The following ANKRD55 variants were observed in gnomAD, a reference collection of about 807,000 sequenced individuals.
The protein encoded by ANKRD55 is ankyrin repeat domain-containing protein 55.
ANKRD55 carries 41 observed loss-of-function variants against 60.6 expected under a neutral mutation model. The ratio of observed to expected loss-of-function variants is 0.68; its 90% confidence interval spans 0.53 to 0.88. ANKRD55 has a LOEUF of 0.88. ANKRD55 is among the 40% of genes least tolerant of loss of function. The pLI is 0.00. For missense variants in ANKRD55, 732 were observed against 767.6 expected (o/e 0.95, Z 0.55); for synonymous variants, 264 against 290.3 (o/e 0.91, Z 0.92).
At chr5:56,154,582 A>G (rs1419196020) in intron 6 of ANKRD55, among the ~76,000 whole-genome samples, 1 of 119,962 alleles carries the variant, frequency 8.3e-6, no homozygotes, top group Non-Finnish European at 1.6e-5. Context: ...TTTAGTTTTA[A>G]AGTTTTTTTT....
chr5:56,191,832 A>C (rs1759101212), intron 2 of ANKRD55, among the ~76,000 whole-genome samples: 1 of 152,234 alleles, frequency 6.6e-6, no homozygotes, highest in Non-Finnish European at 1.5e-5. Flanking sequence ...GAAATGAAGG[A>C]GCTTCCCTAG....
chr5:56,175,116 G>T (rs960881850), intron 4 of ANKRD55, among the ~76,000 whole-genome samples: 2 of 152,228 alleles, frequency 1.3e-5, no homozygotes, highest in African/African-American at 4.8e-5. Flanking sequence ...GAGTTCTAGA[G>T]AGAGAGCACA....
At chr5:56,165,324 C>T (rs1166486023) in intron 5 of ANKRD55, among the ~76,000 whole-genome samples, 1 of 152,170 alleles carries the variant, frequency 6.6e-6, no homozygotes, top group Non-Finnish European at 1.5e-5. Flanking sequence ...TTTACATGGG[C>T]CTGTGTCTGT....
At chr5:56,200,753 A>G (rs1213726062) in intron 2 of ANKRD55, among the ~76,000 whole-genome samples, 1 of 152,130 alleles carries the variant, frequency 6.6e-6, no homozygotes, top group East Asian at 1.9e-4. Flanking sequence ...GGAAGGGCAC[A>G]TTGGGTATTG....
chr5:56,126,783 T>C, intron 8 of ANKRD55, 139 bp downstream of exon 8: 1 of 932,828 alleles, frequency 1.1e-6, no homozygotes, highest in Non-Finnish European at 1.5e-6. Context: ...AGAGCAATTT[T>C]TATTGTCACA....
At chr5:56,116,896 C>T (rs1327886358) in intron 8 of ANKRD55, 114 bp from the exon 9 acceptor site, 3 of 1,115,778 alleles carry the variant, frequency 2.7e-6, no homozygotes, top group Non-Finnish European at 3.7e-6. Flanking sequence ...AATCTTGTTG[C>T]CATTTACAGT....
At chr5:56,149,615 A>G (rs1757991736) in intron 6 of ANKRD55, among the ~76,000 whole-genome samples, 1 of 152,238 alleles carries the variant, frequency 6.6e-6, no homozygotes, top group African/African-American at 2.4e-5. Context: ...CACATGAGAC[A>G]TGGCAGGTAC....
At chr5:56,103,444 C>T (rs1756350029) in intron 10 of ANKRD55, among the ~76,000 whole-genome samples, 1 of 152,192 alleles carries the variant, frequency 6.6e-6, no homozygotes, top group African/African-American at 2.4e-5. Flanking sequence ...GAAGGGAACA[C>T]ACAAATGTGA....
rs535760627 is a variant in ANKRD55 at position 56,138,114 on chromosome 5, G to C, written c.612+5687C>G. On this transcript the variant is annotated intron_variant, in intron 7 of 11. Transcript: ENST00000341048. ...TACAGCCACTTTTGAAGACAGTTTG[G>C]TGGTTTCTTTTTCTTTTTTTTTTTT... 2.9e-3 allele frequency among the ~76,000 whole-genome samples: 429 copies of C among 148,722 alleles called. 3 individuals are homozygous for C. The highest frequency in any genetic ancestry group is 3.3e-3 in the Non-Finnish European group (222 of 67,488).
At chr5:56,150,252 G>A (rs1340154412) in intron 6 of ANKRD55, among the ~76,000 whole-genome samples, 1 of 152,082 alleles carries the variant, frequency 6.6e-6, no homozygotes, top group East Asian at 1.9e-4. Flanking sequence ...ATAAATTATA[G>A]GTACAGTGCT....
intron 7 of ANKRD55, among the ~76,000 whole-genome samples, chr5:56,136,777 C>A (rs1033859243): frequency 7.3e-6 from 1 of 137,864 alleles, no homozygotes; most frequent in Non-Finnish European, 1.5e-5. Flanking sequence ...AAAAAATTAC[C>A]TAGGCATTGT....
rs746725233 is a variant in ANKRD55 at position 56,143,969 on chromosome 5, G to C, written c.484-40C>G. ...TCAGAGAGGACAGAGATGAGCACAG[G>C]CTCCCAGGAAGAAAACTGGAGCTCA... is the stretch of plus-strand genomic sequence containing the variant. On this transcript the variant is annotated intron_variant, in intron 6 of 11. Coordinates refer to ENST00000341048, the MANE Select transcript of ANKRD55 (RefSeq NM_024669.3). 8 of 1,611,032 alleles carry C rather than the reference G, an allele frequency of 5.0e-6. No homozygotes were observed. In the East Asian group the frequency reaches 6.7e-5, roughly 13 times the overall value.
At chr5:56,171,531 C>T (rs537493977) in intron 4 of ANKRD55, among the ~76,000 whole-genome samples, 2 of 152,290 alleles carry the variant, frequency 1.3e-5, no homozygotes, top group African/African-American at 4.8e-5. Context: ...CAGGCTAGCC[C>T]TCCCTCCCAT....
At chr5:56,139,642 T>G (rs182624750) in intron 7 of ANKRD55, among the ~76,000 whole-genome samples, 97 of 152,310 alleles carry the variant, frequency 6.4e-4, no homozygotes, top group African/African-American at 2.1e-3. Context: ...CCAGTGTGAT[T>G]AGAGCCAAGA....
chr5:56,152,108 AC>A, intron 6 of ANKRD55, among the ~76,000 whole-genome samples: 2 of 130,376 alleles, frequency 1.5e-5, no homozygotes, highest in Non-Finnish European at 3.3e-5. Context: ...AGTAGTGGTG[AC>A]CCTACTCCAT....
intron 2 of ANKRD55, among the ~76,000 whole-genome samples, chr5:56,184,889 G>T (rs1758933897): frequency 1.3e-5 from 2 of 150,064 alleles, no homozygotes; most frequent in African/African-American, 4.9e-5. Context: ...GTGAGACCTT[G>T]TCTTAAAAAA....
rs1328691935 is a variant in ANKRD55 at position 56,135,309 on chromosome 5, T to G, written c.613-8203A>C. 8.0e-4 allele frequency among the ~76,000 whole-genome samples: 9 copies of G among 11,252 alleles called. 1 individual carries two copies. Among genetic ancestry groups the G allele is most frequent in the African/African-American group, 6.0e-3 (9 of 1,510 alleles). The allele number at this position is 11,252 out of a possible 152,430, so 7.4% of individuals were successfully genotyped here. ...CTGCCTGCTTGCTTTCTTTCTTTCT[T>G]TCTTTCTTTCTTTCTTTCTTTCTTT... On this transcript the variant is annotated intron_variant, in intron 7 of 11. Coordinates refer to ENST00000341048, the MANE Select transcript of ANKRD55 (RefSeq NM_024669.3).
chr5:56,113,018 A>C (rs1200881459), intron 9 of ANKRD55, among the ~76,000 whole-genome samples: 1 of 152,114 alleles, frequency 6.6e-6, no homozygotes, highest in Non-Finnish European at 1.5e-5. Context: ...CACCAGAGAG[A>C]GAGCCCCAGG....
intron 2 of ANKRD55, among the ~76,000 whole-genome samples, chr5:56,225,836 GAC>G (rs1475764112): frequency 6.6e-6 from 1 of 152,062 alleles, no homozygotes. Context: ...AATAAAAGAG[GAC>G]ACAAACAAAT....
Sources: gnomAD v4.1 joint callset for allele counts (sites outside exome capture counted in the v4.1 genomes callset) on GRCh38, gnomAD v4.1.1 for gene constraint, MANE v1.5 for transcripts, NCBI Gene and HGNC (gene_info 2026-07-23, HGNC 2026-07-21) for gene names.